SYNE1: variants seen among roughly 807,000 people sequenced by gnomAD.
The protein encoded by SYNE1 is nesprin-1.
Under a neutral mutation model 1,111.0 loss-of-function variants are expected in SYNE1, and 616 were observed. The observed-to-expected ratio is 0.55, with a 90% CI of 0.52 to 0.59. SYNE1 has a LOEUF of 0.59. Ranked by LOEUF, SYNE1 falls within the 20% of genes least tolerant of loss-of-function variation. The probability of loss-of-function intolerance (pLI) is 0.00; values close to 1 mark genes in which losing one functional copy is unlikely to be tolerated. For missense variants in SYNE1, 10,006 were observed against 10,417.0 expected (o/e 0.96, Z 1.72); for synonymous variants, 3,855 against 3,825.8 (o/e 1.01, Z -0.28).
intron 11 of SYNE1, among the ~76,000 whole-genome samples, chr6:152,497,118 A>G (rs1290702512): frequency 2.0e-5 from 3 of 152,094 alleles, no homozygotes; most frequent in Non-Finnish European, 4.4e-5. Context: ...AAAAAGCTTT[A>G]TTGCTCGTAC....
At chr6:152,282,591 C>T (rs1370231881) in intron 96 of SYNE1, among the ~76,000 whole-genome samples, 1 of 151,884 alleles carries the variant, frequency 6.6e-6, no homozygotes, top group Non-Finnish European at 1.5e-5. Context: ...TTGAAACCCC[C>T]ACAAGTTTTT....
chr6:152,262,749 C>A (rs1168591631), intron 100 of SYNE1, among the ~76,000 whole-genome samples: 1 of 147,558 alleles, frequency 6.8e-6, no homozygotes, highest in Non-Finnish European at 1.5e-5. Flanking sequence ...CATACAGGAA[C>A]TGCGAAGGTA....
At chr6:152,240,704 A>G (rs138504777) in intron 107 of SYNE1, among the ~76,000 whole-genome samples, 3 of 152,280 alleles carry the variant, frequency 2.0e-5, no homozygotes, top group South Asian at 2.1e-4. Flanking sequence ...TAACAACTCT[A>G]TAACTCTATG....
At chr6:152,256,860 C>A in intron 101 of SYNE1, 95 bp from the exon 102 acceptor site, 1 of 1,565,588 alleles carries the variant, frequency 6.4e-7, no homozygotes, top group Non-Finnish European at 8.7e-7. Flanking sequence ...GCTGAAAACA[C>A]TGTCCATATG....
intron 3 of SYNE1, among the ~76,000 whole-genome samples, chr6:152,566,418 TA>T (rs140609764): frequency 0.17 from 25,398 of 150,294 alleles, 2,306 homozygotes; most frequent in Admixed American, 0.24. Flanking sequence ...AAATCCACAT[TA>T]AAAAAAAATA....
intron 145 of SYNE1, chr6:152,126,206 C>T (rs1390918418): frequency 1.3e-5 from 2 of 152,200 alleles, no homozygotes; most frequent in Non-Finnish European, 2.9e-5. Flanking sequence ...GCTGGCTGCC[C>T]TTGAAAATAT....
In SYNE1 at chr6:152,484,921, G is replaced by A. The variant is rs2098931321; in HGVS notation, c.1099C>T (p.His367Tyr). The A allele has an allele frequency of 2.5e-6, 4 of 1,613,470 alleles. No homozygotes were observed. Among genetic ancestry groups the A allele is most frequent in the Non-Finnish European group, 3.4e-6 (4 of 1,179,778 alleles). The change falls in exon 13 of 146, where the codon CAT becomes TAT. Residue 367 changes from histidine to tyrosine, a missense_variant. By Grantham distance (83) the His-to-Tyr change is moderately conservative (BLOSUM62 2). Transcript: ENST00000367255. The stretch of plus-strand genomic sequence containing the variant: ...TCTCTGTGTAATGGTTGTATTAAAT[G>A]TTCAATCTGTTTCCTCTTCATTTCA... ...QYEMKRKQIEHLIQPLHRDGK... is the reference protein window; with the variant it reads ...QYEMKRKQIEYLIQPLHRDGK...
intron 73 of SYNE1, among the ~76,000 whole-genome samples, chr6:152,346,765 G>C (rs948786126): frequency 1.3e-5 from 2 of 152,034 alleles, no homozygotes; most frequent in Non-Finnish European, 1.5e-5. Flanking sequence ...AGCCGAGATC[G>C]CGCCACTGCA....
intron 142 of SYNE1, chr6:152,134,280 A>G (rs2056538862): frequency 6.6e-6 from 1 of 152,240 alleles, no homozygotes; most frequent in Non-Finnish European, 1.5e-5. Flanking sequence ...TTGCCAGATA[A>G]TGAAAGTAAG....
At chr6:152,596,056 C>T (rs10499269) in intron 3 of SYNE1, among the ~76,000 whole-genome samples, 22,558 of 132,920 alleles carry the variant, frequency 0.17, 2,007 homozygotes, top group Admixed American at 0.26. Context: ...TGATTCCTTG[C>T]ACTTCTATCC....
At position 152,455,434 on chromosome 6, in the gene SYNE1, TCCG is replaced by T; in HGVS notation, c.2881_2883del (p.Arg962del). ...CTAAAGGGTGGACTCACAGTGTGTCTCCGCAGGAGCTCCTCTGGATCCCCCTTT... is the reference window on the plus strand; with the variant it reads ...CTAAAGGGTGGACTCACAGTGTGTCTCAGGAGCTCCTCTGGATCCCCCTTT... On this transcript the variant is annotated inframe_deletion, in exon 24 of 146. Transcript: ENST00000367255. 1.2e-6 allele frequency: 2 copies of T among 1,613,944 alleles called. No homozygotes were observed. Among genetic ancestry groups the T allele is most frequent in the Non-Finnish European group, 1.7e-6 (2 of 1,179,902 alleles).
intron 4 of SYNE1, among the ~76,000 whole-genome samples, chr6:152,538,584 G>A (rs979092058): frequency 3.4e-5 from 5 of 148,614 alleles, no homozygotes; most frequent in African/African-American, 7.5e-5. Context: ...TTTCAATTAC[G>A]TAACCTCTGT....
Position 152,141,204 on chromosome 6 carries a change from A to G in SYNE1, c.25245T>C (p.Ala8415=). ...TTGAACTGGATGCTACGCACTCACC[A>G]GCCGTTTGGGTTTCGGTACTATGCA... ...VNLHSTETQT[A]GVIDRWELLQ... Residue 8415 remains alanine (A), a splice_region_variant and synonymous_variant, in exon 139 of 146, where the codon GCT becomes GCC. Transcript: ENST00000367255. 1 of 1,614,146 alleles carries G rather than the reference A, an allele frequency of 6.2e-7. No homozygotes were observed.
At chr6:152,175,877 C>G (rs1165244286) in intron 130 of SYNE1, among the ~76,000 whole-genome samples, 1 of 152,136 alleles carries the variant, frequency 6.6e-6, no homozygotes, top group Non-Finnish European at 1.5e-5. Flanking sequence ...AGGTATGAGG[C>G]AAACACTTAT....
At chr6:152,289,772 G>GC (rs1284245075) in intron 95 of SYNE1, among the ~76,000 whole-genome samples, 5 of 152,040 alleles carry the variant, frequency 3.3e-5, no homozygotes, top group African/African-American at 1.2e-4. Flanking sequence ...GACTACAAGC[G>GC]CCCACCACCA....
At chr6:152,488,189 G>A (rs937661489) in intron 12 of SYNE1, among the ~76,000 whole-genome samples, 10 of 152,020 alleles carry the variant, frequency 6.6e-5, no homozygotes, top group Non-Finnish European at 1.3e-4. Context: ...TCCATATATA[G>A]TGTGGACACA....
intron 141 of SYNE1, among the ~76,000 whole-genome samples, chr6:152,136,242 G>A (rs780502344): frequency 1.3e-5 from 2 of 152,192 alleles, no homozygotes; most frequent in Non-Finnish European, 2.9e-5. Flanking sequence ...ATTACAGTAT[G>A]AATGGAAAAA....
chr6:152,379,824 G>A lies in SYNE1; in HGVS notation c.9009+1182C>T, dbSNP rs139263703. On this transcript the variant is annotated intron_variant, in intron 56 of 145. Transcript: ENST00000367255. ...CATTATTTTTACTAATAATATCAACGTAAAAATAATGAACAGAATAGTAAT... is the reference window on the plus strand; with the variant it reads ...CATTATTTTTACTAATAATATCAACATAAAAATAATGAACAGAATAGTAAT... Among the ~76,000 whole-genome samples the A allele has an allele frequency of 2.4e-3, 360 of 152,044 alleles. 2 individuals carry two copies. The highest frequency in any genetic ancestry group is 0.02 in the Middle Eastern group (6 of 294).
intron 129 of SYNE1, among the ~76,000 whole-genome samples, chr6:152,178,189 T>C (rs969092137): frequency 6.6e-6 from 1 of 152,174 alleles, no homozygotes; most frequent in South Asian, 2.1e-4. Flanking sequence ...TTATAGATTG[T>C]TCAAGAGATG....
Sources: allele counts gnomAD v4.1 joint callset (sites outside exome capture counted in the v4.1 genomes callset), GRCh38; gene constraint gnomAD v4.1.1; transcripts MANE v1.5; gene names NCBI Gene and HGNC (gene_info 2026-07-23, HGNC 2026-07-21).